The following CCSER2 variants were observed in gnomAD, a reference collection of about 807,000 sequenced individuals.
CCSER2 encodes the protein coiled-coil serine rich protein 2, also known as serine-rich coiled-coil domain-containing protein 2.
CCSER2 carries 46 observed loss-of-function variants against 92.3 expected under a neutral mutation model. The observed-to-expected ratio is 0.50, with a 90% CI of 0.39 to 0.64. The LOEUF (loss-of-function observed/expected upper bound fraction) is 0.64. Ranked by LOEUF, CCSER2 falls within the 30% of genes least tolerant of loss-of-function variation. CCSER2 has a pLI of 0.00. For synonymous variants in CCSER2, 433 were observed against 431.4 expected, an observed-to-expected ratio of 1.00 and a Z score of -0.04; for missense variants, 1,244 against 1,238.9, an observed-to-expected ratio of 1.00 and a Z score of -0.06.
intron 4 of CCSER2, among the ~76,000 whole-genome samples, chr10:84,423,256 T>G (rs1843243960): frequency 6.6e-6 from 1 of 152,212 alleles, no homozygotes; most frequent in Non-Finnish European, 1.5e-5. Context: ...ATGGATGCCT[T>G]GAGAAGTTAA....
At chr10:84,460,821 A>G (rs1846062952) in intron 6 of CCSER2, among the ~76,000 whole-genome samples, 2 of 152,066 alleles carry the variant, frequency 1.3e-5, no homozygotes, top group Non-Finnish European at 2.9e-5. Context: ...CTGTAATGAT[A>G]TTTCTGCTTT....
intron 3 of CCSER2, among the ~76,000 whole-genome samples, chr10:84,377,798 G>GCC (rs1846418791): frequency 6.6e-6 from 1 of 152,070 alleles, no homozygotes; most frequent in Admixed American, 6.5e-5. Flanking sequence ...CTAATGTTTT[G>GCC]TACTTTTCTA....
At chr10:84,431,706 TC>T (rs1843777980) in intron 5 of CCSER2, among the ~76,000 whole-genome samples, 1 of 152,104 alleles carries the variant, frequency 6.6e-6, no homozygotes, top group Non-Finnish European at 1.5e-5. Context: ...CACCCCACTC[TC>T]CAGCCTGGAC....
At chr10:84,329,420 A>G (rs1321561192) in intron 1 of CCSER2, among the ~76,000 whole-genome samples, 2 of 152,246 alleles carry the variant, frequency 1.3e-5, no homozygotes, top group Middle Eastern at 3.4e-3. Flanking sequence ...CAGTAATTGC[A>G]TATTCATCTG....
chr10:84,501,834 A>AAAAAAAATAT (rs1167460274), intron 9 of CCSER2, among the ~76,000 whole-genome samples: 6 of 40,160 alleles, frequency 1.5e-4, no homozygotes, highest in Non-Finnish European at 3.3e-4. Flanking sequence ...AAAAAAAAAA[A>AAAAAAAATAT]ATATATATAT....
At chr10:84,418,980 A>G (rs1212040880) in intron 4 of CCSER2, among the ~76,000 whole-genome samples, 1 of 152,128 alleles carries the variant, frequency 6.6e-6, no homozygotes. Flanking sequence ...AAACATGCAT[A>G]TTATGTCTCT....
chr10:84,369,325 C>T (rs929464453), intron 1 of CCSER2, among the ~76,000 whole-genome samples: 4 of 152,020 alleles, frequency 2.6e-5, no homozygotes, highest in Non-Finnish European at 5.9e-5. Flanking sequence ...ATGCCAATAT[C>T]TATTGTTTTT....
At chr10:84,436,100 C>G (rs1452935598) in intron 5 of CCSER2, among the ~76,000 whole-genome samples, 2 of 151,908 alleles carry the variant, frequency 1.3e-5, no homozygotes, top group Non-Finnish European at 2.9e-5. Context: ...GAGGGCGAGG[C>G]GGGCGAATCA....
intron 1 of CCSER2, among the ~76,000 whole-genome samples, chr10:84,354,120 G>A (rs997764500): frequency 6.6e-6 from 1 of 152,094 alleles, no homozygotes; most frequent in Non-Finnish European, 1.5e-5. Context: ...GGTTGCTTGA[G>A]CCCAGGAGGT....
intron 9 of CCSER2, among the ~76,000 whole-genome samples, chr10:84,496,432 C>T (rs539801244): frequency 6.6e-6 from 1 of 152,232 alleles, no homozygotes; most frequent in East Asian, 1.9e-4. Context: ...ACTACAGGCG[C>T]CCGCCACCAC....
At chr10:84,415,955 T>C (rs1450988554) in intron 3 of CCSER2, among the ~76,000 whole-genome samples, 2 of 152,182 alleles carry the variant, frequency 1.3e-5, no homozygotes, top group African/African-American at 4.8e-5. Context: ...TAGTGGTATG[T>C]AGGGACAGAT....
chr10:84,462,678 A>C (rs908796676), intron 6 of CCSER2, among the ~76,000 whole-genome samples: 1 of 152,222 alleles, frequency 6.6e-6, no homozygotes, highest in Admixed American at 6.5e-5. Flanking sequence ...TAATTTATCT[A>C]TGCTGGAAAT....
rs140595780 is a variant in CCSER2, at chr10:84,412,361, A to G, written c.1615-5410A>G. ...AATTTTTTTGAATAGTTTTAAGTAGAACTGCTACCAGCTCTTCTTTGTGTA... is the reference window on the plus strand; with the variant it reads ...AATTTTTTTGAATAGTTTTAAGTAGGACTGCTACCAGCTCTTCTTTGTGTA... On this transcript the variant is annotated intron_variant, in intron 3 of 9. Coordinates refer to ENST00000372088, the MANE Select transcript of CCSER2 (RefSeq NM_001284240.2). Among the ~76,000 whole-genome samples the G allele has an allele frequency of 6.9e-3, 1,043 of 152,146 alleles. 11 individuals are homozygous for G. Among genetic ancestry groups the G allele is most frequent in the South Asian group, 0.031 (148 of 4,816 alleles).
intron 9 of CCSER2, among the ~76,000 whole-genome samples, chr10:84,485,879 G>A (rs1847776556): frequency 6.6e-6 from 1 of 152,122 alleles, no homozygotes; most frequent in Admixed American, 6.6e-5. Flanking sequence ...ATCTCCTAAT[G>A]CTCTCCCTAC....
intron 3 of CCSER2, among the ~76,000 whole-genome samples, chr10:84,379,665 C>T (rs1294516256): frequency 6.6e-6 from 1 of 152,026 alleles, no homozygotes; most frequent in Non-Finnish European, 1.5e-5. Context: ...GTTGTATAGG[C>T]CATTATCCTT....
chr10:84,490,131 C>G (rs1848066459), intron 9 of CCSER2, among the ~76,000 whole-genome samples: 1 of 152,206 alleles, frequency 6.6e-6, no homozygotes, highest in Non-Finnish European at 1.5e-5. Context: ...ACGGGTTTCC[C>G]TTTGTGGGTA....
intron 4 of CCSER2, 55 bp downstream of exon 4, chr10:84,417,916 T>C: frequency 1.2e-6 from 1 of 865,830 alleles, no homozygotes; most frequent in South Asian, 1.4e-5. Context: ...TACTCGACTG[T>C]AGCCAATTTG....
At chr10:84,375,916 A>G (rs11201010) in intron 3 of CCSER2, among the ~76,000 whole-genome samples, 6,936 of 150,030 alleles carry the variant, frequency 0.046, 230 homozygotes, top group East Asian at 0.16. Flanking sequence ...TTAACCCCTC[A>G]AGACCTTTAG....
chr10:84,335,005 G>A (rs1007770966), intron 1 of CCSER2, among the ~76,000 whole-genome samples: 1 of 152,096 alleles, frequency 6.6e-6, no homozygotes, highest in Non-Finnish European at 1.5e-5. Context: ...TGCCATCGCT[G>A]CTCCCAGCTG....
Sources: gnomAD v4.1 joint callset for allele counts (sites outside exome capture counted in the v4.1 genomes callset) on GRCh38, gnomAD v4.1.1 for gene constraint, MANE v1.5 for transcripts, NCBI Gene and HGNC (gene_info 2026-07-23, HGNC 2026-07-21) for gene names.